SHROOM3: variants seen among roughly 807,000 people sequenced by gnomAD.
The protein encoded by SHROOM3 is protein Shroom3.
Under a neutral mutation model 138.6 loss-of-function variants are expected in SHROOM3, and 47 were observed. The ratio of observed to expected loss-of-function variants is 0.34; its 90% confidence interval spans 0.27 to 0.43. The LOEUF (loss-of-function observed/expected upper bound fraction) is 0.43, where lower values mean the gene tolerates loss of function less well. Ranked by LOEUF, SHROOM3 falls within the 20% of genes least tolerant of loss-of-function variation. SHROOM3 has a pLI of 1.00. For synonymous variants in SHROOM3, 1,062 were observed against 1,063.3 expected, an observed-to-expected ratio of 1.00 and a Z score of 0.02; for missense variants, 2,491 against 2,596.5, an observed-to-expected ratio of 0.96 and a Z score of 0.88.
chr4:76,723,070 G>T (rs147279428), intron 3 of SHROOM3, among the ~76,000 whole-genome samples: 1 of 151,488 alleles, frequency 6.6e-6, no homozygotes, highest in Admixed American at 6.6e-5. Context: ...TTAAAGAATA[G>T]CATCAACAAA....
chr4:76,701,757 G>T (rs1445393478), intron 2 of SHROOM3, among the ~76,000 whole-genome samples: 1 of 152,084 alleles, frequency 6.6e-6, no homozygotes, highest in African/African-American at 2.4e-5. Context: ...TCCTCCACTG[G>T]CTATTTTCAG....
Position 76,484,679 on chromosome 4 carries a change from G to A in SHROOM3, c.168+48459G>A, listed in dbSNP as rs1050954971. Among the ~76,000 whole-genome samples, 3 of 151,944 alleles carry A rather than the reference G, an allele frequency of 2.0e-5. No individual in the cohort carries two copies. In the East Asian group the frequency reaches 5.8e-4, roughly 29 times the overall value. ...TTGACTTTCCCTTCTTTTAATACCA[G>A]GGATTTTACTTAGATTGCAAAACTG... is the stretch of plus-strand genomic sequence containing the variant. On this transcript the variant is annotated intron_variant, in intron 1 of 10. Coordinates refer to ENST00000296043, the MANE Select transcript of SHROOM3 (RefSeq NM_020859.4).
intron 2 of SHROOM3, among the ~76,000 whole-genome samples, chr4:76,668,815 G>A (rs1382266568): frequency 1.3e-5 from 2 of 152,164 alleles, no homozygotes; most frequent in Non-Finnish European, 2.9e-5. Flanking sequence ...AAGCTGCTTC[G>A]TTACTCCAGG....
At chr4:76,438,528 TC>T (rs1004477290) in intron 1 of SHROOM3, among the ~76,000 whole-genome samples, 1 of 152,204 alleles carries the variant, frequency 6.6e-6, no homozygotes, top group African/African-American at 2.4e-5. Flanking sequence ...GTCGTACTGT[TC>T]CGAAGCTCTT....
In SHROOM3 at chr4:76,652,950, A is replaced by T. The variant is rs374587929; in HGVS notation, c.324-57206A>T. On this transcript the variant is annotated intron_variant, in intron 2 of 10. Transcript: ENST00000296043. ...AGGGATGTAGACCTGGAGCAGATAT[A>T]TCATGGTGTGGTGAGACAAGAGATG... Among the ~76,000 whole-genome samples, 5 of 152,220 alleles carry T rather than the reference A, an allele frequency of 3.3e-5. No homozygotes were observed. The East Asian group carries it at 9.7e-4, about 29-fold the overall frequency.
intron 1 of SHROOM3, among the ~76,000 whole-genome samples, chr4:76,538,492 T>G (rs1733028715): frequency 6.6e-6 from 1 of 152,140 alleles, no homozygotes; most frequent in Admixed American, 6.5e-5. Flanking sequence ...GTGAGAGGTC[T>G]GACAGTGAGC....
At chr4:76,676,944 C>CAAAAAA (rs58270392) in intron 2 of SHROOM3, among the ~76,000 whole-genome samples, 9 of 79,000 alleles carry the variant, frequency 1.1e-4, no homozygotes, top group Admixed American at 1.3e-4. Flanking sequence ...CTCCGTCTCA[C>CAAAAAA]AAAAAAAAAA....
At chr4:76,679,654 A>G (rs991934224) in intron 2 of SHROOM3, among the ~76,000 whole-genome samples, 9 of 152,190 alleles carry the variant, frequency 5.9e-5, no homozygotes, top group African/African-American at 2.2e-4. Flanking sequence ...GACATCATCA[A>G]TTAAAATACT....
rs766564227 is a variant in SHROOM3 at position 76,710,293 on chromosome 4, A to G, written c.455+6A>G. ...AAACTTCGGCTGAAGCACAGGTAAG[A>G]CGCACGGAAGTTGGTGCTGGCAGTT... is the stretch of plus-strand genomic sequence containing the variant. On this transcript the variant is annotated splice_donor_region_variant and intron_variant, in intron 3 of 10. Transcript: ENST00000296043. The G allele has an allele frequency of 6.2e-7, 1 of 1,613,898 alleles. No homozygotes were observed.
chr4:76,770,581 G>C, intron 9 of SHROOM3, 45 bp from the exon 10 acceptor site: 1 of 1,609,248 alleles, frequency 6.2e-7, no homozygotes, highest in East Asian at 2.2e-5. Flanking sequence ...GCTTCCACTG[G>C]CACCTCCTGT....
chr4:76,730,653 G>C, intron 3 of SHROOM3, 151 bp from the exon 4 acceptor site: 1 of 926,592 alleles, frequency 1.1e-6, no homozygotes, highest in South Asian at 1.6e-5. Context: ...AGAGAAATAA[G>C]TAGCAAAATC....
At chr4:76,665,452 A>G (rs1718665328) in intron 2 of SHROOM3, among the ~76,000 whole-genome samples, 1 of 152,222 alleles carries the variant, frequency 6.6e-6, no homozygotes, top group African/African-American at 2.4e-5. Flanking sequence ...CTGTCAGAAG[A>G]ACCAGTCATC....
intron 2 of SHROOM3, among the ~76,000 whole-genome samples, chr4:76,593,673 A>G (rs975657880): frequency 6.6e-6 from 1 of 152,194 alleles, no homozygotes; most frequent in Non-Finnish European, 1.5e-5. Context: ...GATCCCTTCC[A>G]AATTTGTGCT....
At chr4:76,498,058 T>G (rs1448720091) in intron 1 of SHROOM3, among the ~76,000 whole-genome samples, 1 of 152,144 alleles carries the variant, frequency 6.6e-6, no homozygotes, top group African/African-American at 2.4e-5. Flanking sequence ...TCATCAGCTC[T>G]CTCCTTCTGT....
At chr4:76,446,406 C>T (rs946076201) in intron 1 of SHROOM3, among the ~76,000 whole-genome samples, 6 of 137,892 alleles carry the variant, frequency 4.4e-5, no homozygotes, top group Non-Finnish European at 8.5e-5. Flanking sequence ...GTGCCCTGCT[C>T]GGTGAAATGG....
intron 10 of SHROOM3, among the ~76,000 whole-genome samples, chr4:76,773,509 G>A (rs1040361604): frequency 1.3e-5 from 2 of 152,170 alleles, no homozygotes; most frequent in African/African-American, 4.8e-5. Context: ...GGGGTAATGA[G>A]GGCTCGCCCC....
intron 2 of SHROOM3, among the ~76,000 whole-genome samples, chr4:76,575,152 A>T (rs966491316): frequency 6.6e-6 from 1 of 152,222 alleles, no homozygotes; most frequent in East Asian, 1.9e-4. Flanking sequence ...CATGATAAAC[A>T]TCCCTTCATG....
intron 1 of SHROOM3, among the ~76,000 whole-genome samples, chr4:76,466,139 C>G (rs1731245659): frequency 6.6e-6 from 1 of 152,156 alleles, no homozygotes; most frequent in Non-Finnish European, 1.5e-5. Context: ...GTGTGATGTT[C>G]TCAACAGGCT....
chr4:76,592,584 G>A (rs1393833244), intron 2 of SHROOM3, among the ~76,000 whole-genome samples: 1 of 152,204 alleles, frequency 6.6e-6, no homozygotes, highest in Non-Finnish European at 1.5e-5. Flanking sequence ...AAGGTTCCAA[G>A]TCTATATCGT....
Sources: gnomAD v4.1 joint callset for allele counts (sites outside exome capture counted in the v4.1 genomes callset) on GRCh38, gnomAD v4.1.1 for gene constraint, MANE v1.5 for transcripts, NCBI Gene and HGNC (gene_info 2026-07-23, HGNC 2026-07-21) for gene names.